Variants in PCED1B observed in about 807,000 individuals in gnomAD.
The protein encoded by PCED1B is PC-esterase domain-containing protein 1B.
For missense variants in PCED1B, 573 were observed against 573.9 expected, an observed-to-expected ratio of 1.00 and a Z score of 0.02; for synonymous variants, 251 against 246.1, an observed-to-expected ratio of 1.02 and a Z score of -0.19.
intron 2 of PCED1B, among the ~76,000 whole-genome samples, chr12:47,146,769 G>T (rs956006535): frequency 2.6e-5 from 4 of 152,016 alleles, no homozygotes; most frequent in African/African-American, 4.8e-5. Flanking sequence ...AAATTCATAC[G>T]ATTTACTTTA....
intron 3 of PCED1B, among the ~76,000 whole-genome samples, chr12:47,226,507 C>T (rs186723020): frequency 8.1e-4 from 123 of 152,194 alleles, no homozygotes; most frequent in African/African-American, 2.1e-3. Flanking sequence ...CTGAGTAGCT[C>T]GGATTACAGG....
chr12:47,203,047 G>A (rs182674755), intron 2 of PCED1B, among the ~76,000 whole-genome samples: 7 of 148,654 alleles, frequency 4.7e-5, no homozygotes, highest in African/African-American at 1.7e-4. Context: ...TCAGCTCACT[G>A]CAACCTCTGT....
At chr12:47,173,398 C>A (rs1027542857) in intron 2 of PCED1B, among the ~76,000 whole-genome samples, 3 of 152,080 alleles carry the variant, frequency 2.0e-5, no homozygotes, top group Admixed American at 1.3e-4. Context: ...GGACTAGAAG[C>A]GCCCGCCACC....
At chr12:47,139,681 A>G (rs535193340) in intron 2 of PCED1B, among the ~76,000 whole-genome samples, 3 of 152,162 alleles carry the variant, frequency 2.0e-5, no homozygotes, top group South Asian at 2.1e-4. Flanking sequence ...CATGTGTGGC[A>G]AAGTCTTGTG....
chr12:47,147,336 C>G (rs1053394613), intron 2 of PCED1B, among the ~76,000 whole-genome samples: 1 of 151,968 alleles, frequency 6.6e-6, no homozygotes, highest in Non-Finnish European at 1.5e-5. Context: ...TTAAATGTCA[C>G]CTTCCATAAA....
At chr12:47,163,298 T>C (rs1481329148) in intron 2 of PCED1B, among the ~76,000 whole-genome samples, 1 of 152,232 alleles carries the variant, frequency 6.6e-6, no homozygotes, top group Non-Finnish European at 1.5e-5. Context: ...TATTTATTAC[T>C]TCTAACAGTT....
At chr12:47,118,708 T>G (rs998194026) in intron 2 of PCED1B, among the ~76,000 whole-genome samples, 7 of 152,210 alleles carry the variant, frequency 4.6e-5, no homozygotes, top group African/African-American at 1.7e-4. Context: ...TTTAAATTAG[T>G]TTTTTCCAAT....
At chr12:47,131,197 T>C (rs1178400005) in intron 2 of PCED1B, among the ~76,000 whole-genome samples, 1 of 152,172 alleles carries the variant, frequency 6.6e-6, no homozygotes, top group Non-Finnish European at 1.5e-5. Context: ...TGTCAAGCCA[T>C]TGTCACTTGC....
intron 2 of PCED1B, among the ~76,000 whole-genome samples, chr12:47,197,539 C>T (rs1284515068): frequency 1.3e-5 from 2 of 151,518 alleles, no homozygotes; most frequent in African/African-American, 2.4e-5. Flanking sequence ...ACCCAAAAGG[C>T]GGAGGTTGTA....
intron 2 of PCED1B, among the ~76,000 whole-genome samples, chr12:47,180,019 T>A (rs1442886467): frequency 6.6e-6 from 1 of 152,140 alleles, no homozygotes; most frequent in Admixed American, 6.6e-5. Context: ...ACCATGGTGG[T>A]TTGCTACACA....
intron 2 of PCED1B, among the ~76,000 whole-genome samples, chr12:47,192,931 T>G (rs138570234): frequency 1.3e-5 from 2 of 152,202 alleles, no homozygotes; most frequent in Non-Finnish European, 2.9e-5. Context: ...CTAGCTCCAA[T>G]GTCCATTCTT....
chr12:47,188,552 G>A (rs1942346774), intron 2 of PCED1B, among the ~76,000 whole-genome samples: 1 of 152,210 alleles, frequency 6.6e-6, no homozygotes, highest in African/African-American at 2.4e-5. Flanking sequence ...TTCTTAGGTA[G>A]TTTCAGGACG....
At chr12:47,181,406 G>A (rs1390191601) in intron 2 of PCED1B, among the ~76,000 whole-genome samples, 4 of 146,358 alleles carry the variant, frequency 2.7e-5, no homozygotes, top group African/African-American at 7.7e-5. Flanking sequence ...TTTCACTCTT[G>A]TTGCCCAGGC....
chr12:47,178,154 A>G (rs1941983125), intron 2 of PCED1B, among the ~76,000 whole-genome samples: 1 of 152,162 alleles, frequency 6.6e-6, no homozygotes. Flanking sequence ...CTTCCTCTAT[A>G]CAAAACCCCA....
At chr12:47,111,842 ACTT>A (rs200244022) in intron 2 of PCED1B, among the ~76,000 whole-genome samples, 59 of 152,258 alleles carry the variant, frequency 3.9e-4, no homozygotes, top group African/African-American at 1.4e-3. Flanking sequence ...TTAGAAAGTC[ACTT>A]CTTCTCATGG....
At chr12:47,209,718 A>G (rs1943020060) in intron 2 of PCED1B, 1 of 152,180 alleles carries the variant, frequency 6.6e-6, no homozygotes, top group Non-Finnish European at 1.5e-5. Flanking sequence ...CAGTAATGCT[A>G]TGGATTTGGC....
chr12:47,119,306 G>A (rs1017772031), intron 2 of PCED1B, among the ~76,000 whole-genome samples: 8 of 152,060 alleles, frequency 5.3e-5, no homozygotes, highest in Non-Finnish European at 7.4e-5. Flanking sequence ...AAACAGAGTC[G>A]TAAATACTTG....
At chr12:47,086,942 A>G (rs1565738435) in intron 1 of PCED1B, among the ~76,000 whole-genome samples, 1 of 152,224 alleles carries the variant, frequency 6.6e-6, no homozygotes, top group Non-Finnish European at 1.5e-5. Context: ...ATTCAAAGTA[A>G]TATCTAATTT....
intron 3 of PCED1B, chr12:47,224,163 T>G (rs1943566814): frequency 6.6e-6 from 1 of 152,246 alleles, no homozygotes; most frequent in Non-Finnish European, 1.5e-5. Context: ...CATACTTTTG[T>G]GTTTATGAAA....
Sources: gnomAD v4.1 joint callset for allele counts (sites outside exome capture counted in the v4.1 genomes callset) on GRCh38, gnomAD v4.1.1 for gene constraint, MANE v1.5 for transcripts, NCBI Gene and HGNC (gene_info 2026-07-23, HGNC 2026-07-21) for gene names.